PLCE1: variants seen among roughly 807,000 people sequenced by gnomAD.
PLCE1 encodes the protein 1-phosphatidylinositol 4,5-bisphosphate phosphodiesterase epsilon-1.
In PLCE1, 119 loss-of-function variants were observed where a neutral mutation model predicts 242.8. That is an observed-to-expected ratio of 0.49 (90% CI 0.42 to 0.57). The LOEUF (loss-of-function observed/expected upper bound fraction) is 0.57, where lower values mean the gene tolerates loss of function less well. Among genes scored for constraint, PLCE1 ranks in the 20% least tolerant of loss-of-function variants. The pLI is 0.00. For missense variants in PLCE1, 2,441 were observed against 2,788.8 expected (o/e 0.88, Z 2.81); for synonymous variants, 945 against 1,017.4 (o/e 0.93, Z 1.35).
intron 2 of PLCE1, among the ~76,000 whole-genome samples, chr10:94,094,467 G>C (rs1252412697): frequency 6.6e-6 from 1 of 152,110 alleles, no homozygotes; most frequent in African/African-American, 2.4e-5. Flanking sequence ...AGAAAGAATA[G>C]GCCATTATGG....
chr10:94,235,859 G>A (rs889440780), intron 6 of PLCE1, 56 bp from the exon 7 acceptor site: 4 of 1,531,514 alleles, frequency 2.6e-6, no homozygotes, highest in Non-Finnish European at 3.6e-6. Context: ...CCCTAGCCAA[G>A]TATGTTATCC....
At chr10:94,218,617 G>T (rs1420945568) in intron 4 of PLCE1, among the ~76,000 whole-genome samples, 1 of 152,096 alleles carries the variant, frequency 6.6e-6, no homozygotes, top group Non-Finnish European at 1.5e-5. Context: ...AATGGATACG[G>T]ATTTGTAGCT....
intron 29 of PLCE1, among the ~76,000 whole-genome samples, chr10:94,317,751 T>C (rs1197924190): frequency 1.3e-5 from 2 of 152,148 alleles, no homozygotes; most frequent in Admixed American, 1.3e-4. Context: ...TTTCCCTGAA[T>C]TAACTGAGAA....
At chr10:94,127,178 G>C (rs1214182772) in intron 2 of PLCE1, among the ~76,000 whole-genome samples, 1 of 152,224 alleles carries the variant, frequency 6.6e-6, no homozygotes, top group Non-Finnish European at 1.5e-5. Context: ...AACATCTGCT[G>C]TGTAGCAAAG....
chr10:94,069,289 C>G (rs1232622382), intron 2 of PLCE1, among the ~76,000 whole-genome samples: 1 of 152,136 alleles, frequency 6.6e-6, no homozygotes, highest in Non-Finnish European at 1.5e-5. Context: ...GAATTGAGGT[C>G]AAGATCCAAA....
At chr10:94,081,546 G>A (rs930124530) in intron 2 of PLCE1, among the ~76,000 whole-genome samples, 1 of 152,222 alleles carries the variant, frequency 6.6e-6, no homozygotes, top group Non-Finnish European at 1.5e-5. Context: ...ATGCAGTTGA[G>A]TATATTTCTT....
intron 4 of PLCE1, among the ~76,000 whole-genome samples, chr10:94,197,259 T>C (rs952947200): frequency 2.6e-5 from 4 of 152,242 alleles, no homozygotes; most frequent in African/African-American, 4.8e-5. Flanking sequence ...ATTTGAATTA[T>C]GTATACTTTT....
intron 21 of PLCE1, 106 bp downstream of exon 21, chr10:94,284,017 C>T (rs1046734905): frequency 7.4e-7 from 1 of 1,350,964 alleles, no homozygotes; most frequent in African/African-American, 1.4e-5. Context: ...CCTTTCCCCT[C>T]ACTTTCCCTT....
At chr10:94,022,972 A>G (rs1035707949) in intron 1 of PLCE1, among the ~76,000 whole-genome samples, 3 of 152,198 alleles carry the variant, frequency 2.0e-5, no homozygotes, top group Non-Finnish European at 4.4e-5. Flanking sequence ...AAACCCTTTC[A>G]GTTTAAAGAT....
chr10:94,093,986 G>A (rs1195284315), intron 2 of PLCE1, among the ~76,000 whole-genome samples: 1 of 119,838 alleles, frequency 8.3e-6, no homozygotes, highest in African/African-American at 3.6e-5. Flanking sequence ...CTGTCGCCCA[G>A]GCTGGAGTGC....
At chr10:94,006,366 T>G (rs900365834) in intron 1 of PLCE1, among the ~76,000 whole-genome samples, 3 of 152,202 alleles carry the variant, frequency 2.0e-5, no homozygotes, top group African/African-American at 7.2e-5. Flanking sequence ...TGCTTTACCT[T>G]TTAGAAGGTA....
chr10:94,254,357 GA>G (rs1184462755), intron 10 of PLCE1, 50 bp downstream of exon 10: 26 of 1,236,648 alleles, frequency 2.1e-5, no homozygotes, highest in Middle Eastern at 1.9e-4. Context: ...ATTTTTGTGG[GA>G]AAAAAAGTAT....
intron 3 of PLCE1, among the ~76,000 whole-genome samples, chr10:94,169,054 A>AT (rs1423338868): frequency 2.6e-5 from 4 of 152,148 alleles, no homozygotes; most frequent in Non-Finnish European, 4.4e-5. Context: ...AATAGTCTCC[A>AT]TTTTTTGTTA....
intron 1 of PLCE1, among the ~76,000 whole-genome samples, chr10:94,000,951 T>C (rs536143813): frequency 6.6e-6 from 1 of 152,162 alleles, no homozygotes; most frequent in African/African-American, 2.4e-5. Flanking sequence ...AGAGTAAAGC[T>C]CCAGTCTCCT....
At chr10:94,146,748 G>A (rs539906905) in intron 3 of PLCE1, among the ~76,000 whole-genome samples, 181 of 152,302 alleles carry the variant, frequency 1.2e-3, no homozygotes, top group African/African-American at 4.1e-3. Context: ...TCAAGATGGG[G>A]CTTTATCTGT....
chr10:94,250,241 G>A (rs2137586786), intron 8 of PLCE1, among the ~76,000 whole-genome samples: 1 of 151,948 alleles, frequency 6.6e-6, no homozygotes, highest in Non-Finnish European at 1.5e-5. Context: ...GTGGCTCAGA[G>A]CTGTAATCCC....
intron 7 of PLCE1, among the ~76,000 whole-genome samples, chr10:94,241,752 A>G (rs2050511310): frequency 6.9e-6 from 1 of 145,418 alleles, no homozygotes; most frequent in South Asian, 2.2e-4. Context: ...GTGCCACTGC[A>G]CTCCAGCCTG....
At chr10:94,295,164 C>T (rs1442878214) in intron 23 of PLCE1, among the ~76,000 whole-genome samples, 1 of 151,992 alleles carries the variant, frequency 6.6e-6, no homozygotes, top group East Asian at 1.9e-4. Context: ...GATCTGCCTA[C>T]CTCAGCCTTC....
intron 1 of PLCE1, among the ~76,000 whole-genome samples, chr10:94,021,715 A>G (rs957442266): frequency 1.3e-5 from 2 of 152,170 alleles, no homozygotes; most frequent in Non-Finnish European, 2.9e-5. Flanking sequence ...TATTCTGACC[A>G]TTCTAAAGCC....
Sources: gnomAD v4.1 joint callset for allele counts (sites outside exome capture counted in the v4.1 genomes callset) on GRCh38, gnomAD v4.1.1 for gene constraint, MANE v1.5 for transcripts, NCBI Gene and HGNC (gene_info 2026-07-23, HGNC 2026-07-21) for gene names.